The following NCAM1 variants were observed in gnomAD, a reference collection of about 807,000 sequenced individuals.
NCAM1 encodes neural cell adhesion molecule 1, also known as antigen recognized by monoclonal antibody 5.1H11.
Under a neutral mutation model 109.8 loss-of-function variants are expected in NCAM1, and 14 were observed. The ratio of observed to expected loss-of-function variants is 0.13; its 90% CI spans 0.08 to 0.20. The LOEUF (loss-of-function observed/expected upper bound fraction) is 0.20. Ranked by LOEUF, NCAM1 falls within the 10% of genes least tolerant of loss-of-function variation. The pLI is 1.00. For missense variants in NCAM1, 774 were observed against 1,109.9 expected (o/e 0.70, Z 4.30); for synonymous variants, 418 against 442.9 (o/e 0.94, Z 0.70).
intron 1 of NCAM1, among the ~76,000 whole-genome samples, chr11:113,150,822 G>T (rs1037519201): frequency 6.6e-6 from 1 of 152,124 alleles, no homozygotes; most frequent in East Asian, 1.9e-4. Flanking sequence ...AGTGGATTCA[G>T]GATAGAATAT....
In NCAM1 at chr11:113,066,218, G is replaced by GA. The variant is rs142482208; in HGVS notation, c.52+104564dup. Among the ~76,000 whole-genome samples the GA allele has an allele frequency of 7.7e-4, 114 of 148,632 alleles. 1 individual carries two copies. Among genetic ancestry groups the GA allele is most frequent in the Non-Finnish European group, 1.2e-3 (78 of 66,930 alleles). Reference sequence around the variant, plus strand: ...CTTTAGAATATGGACAGTTCAGTGAGAAAAAAAAAATCTGTAGGCAAGAAA... The same window carrying GA: ...CTTTAGAATATGGACAGTTCAGTGAGAAAAAAAAAAATCTGTAGGCAAGAAA... On this transcript the variant is annotated intron_variant, in intron 1 of 19. Transcript: ENST00000316851.
intron 1 of NCAM1, among the ~76,000 whole-genome samples, chr11:113,128,880 G>A (rs890359385): frequency 4.0e-5 from 6 of 151,016 alleles, no homozygotes; most frequent in African/African-American, 1.5e-4. Flanking sequence ...CAATTGGAGA[G>A]TAACTAAAAT....
At chr11:113,208,438 G>T (rs1037271203) in intron 7 of NCAM1, among the ~76,000 whole-genome samples, 1 of 151,814 alleles carries the variant, frequency 6.6e-6, no homozygotes. Flanking sequence ...AACCACACAG[G>T]CCTTCTTCAT....
chr11:113,259,030 G>A (rs1555122759), intron 16 of NCAM1, among the ~76,000 whole-genome samples: 1 of 151,890 alleles, frequency 6.6e-6, no homozygotes. Flanking sequence ...CTTAGTAAGG[G>A]CTCAACAAAA....
intron 1 of NCAM1, among the ~76,000 whole-genome samples, chr11:113,065,707 G>A (rs1310991183): frequency 6.6e-6 from 1 of 152,144 alleles, no homozygotes; most frequent in Non-Finnish European, 1.5e-5. Flanking sequence ...CTGAGAAATT[G>A]ACACAGAAAT....
intron 1 of NCAM1, among the ~76,000 whole-genome samples, chr11:112,965,395 G>A (rs1950705455): frequency 6.6e-6 from 1 of 151,946 alleles, no homozygotes; most frequent in Non-Finnish European, 1.5e-5. Context: ...CTTCTGTTTG[G>A]AATCCATTTA....
intron 1 of NCAM1, among the ~76,000 whole-genome samples, chr11:113,072,348 A>T (rs1375999630): frequency 2.6e-5 from 4 of 152,220 alleles, no homozygotes; most frequent in Non-Finnish European, 5.9e-5. Flanking sequence ...CATCAATGAA[A>T]TGGTAGTTTC....
intron 15 of NCAM1, among the ~76,000 whole-genome samples, chr11:113,253,571 G>A (rs1945754375): frequency 1.3e-5 from 2 of 152,184 alleles, no homozygotes; most frequent in Middle Eastern, 3.2e-3. Context: ...GGAGTTCAGA[G>A]ACAGTGTTTT....
In NCAM1 at chr11:113,277,772, C is replaced by CT. The variant is rs1946427495; in HGVS notation, c.*2386dup. ...CCCTGGCTCTGCCATTAGCTAGGACCTAAGACTCTGCCCACATTTTGGTCT... is the reference window on the plus strand; with the variant it reads ...CCCTGGCTCTGCCATTAGCTAGGACCTTAAGACTCTGCCCACATTTTGGTCT... On this transcript the variant is annotated 3_prime_UTR_variant, in exon 20 of 20. Coordinates refer to ENST00000316851, the MANE Select transcript of NCAM1 (RefSeq NM_181351.5). The CT allele has an allele frequency of 5.1e-6, 1 of 195,654 alleles. No individual in the cohort carries two copies. The highest frequency in any genetic ancestry group is 1.0e-5 in the Non-Finnish European group (1 of 99,262). 12.1% of individuals were successfully genotyped at this position (195,654 alleles called of 1,614,324 possible).
Position 113,270,234 on chromosome 11 carries a change from C to T in NCAM1, c.2178C>T (p.Gly726=). 2 of 1,614,050 alleles carry T rather than the reference C, an allele frequency of 1.2e-6. No individual in the cohort carries two copies. The highest frequency in any genetic ancestry group is 1.7e-6 in the Non-Finnish European group (2 of 1,179,904). ...TSGLSTGAIV[G]ILIVIFVLLL... ...GCCTGAGCACCGGGGCCATCGTGGGCATCCTCATCGTCATCTTCGTCCTGC... is the reference window on the plus strand; with the variant it reads ...GCCTGAGCACCGGGGCCATCGTGGGTATCCTCATCGTCATCTTCGTCCTGC... The change falls in exon 18 of 20, where the codon GGC becomes GGT. Residue 726 remains glycine, a synonymous_variant. Coordinates refer to ENST00000316851, the MANE Select transcript of NCAM1 (RefSeq NM_181351.5).
At chr11:112,976,774 AAATG>A (rs1482801184) in intron 1 of NCAM1, among the ~76,000 whole-genome samples, 3 of 151,870 alleles carry the variant, frequency 2.0e-5, no homozygotes, top group Non-Finnish European at 4.4e-5. Context: ...ATTTTGGCTA[AAATG>A]CAATTTGATG....
chr11:113,048,656 G>A (rs138733073), intron 1 of NCAM1, among the ~76,000 whole-genome samples: 453 of 152,274 alleles, frequency 3.0e-3, no homozygotes, highest in African/African-American at 0.01. Context: ...CATCTGTAAG[G>A]CATCCATGGT....
intron 1 of NCAM1, among the ~76,000 whole-genome samples, chr11:113,038,751 A>G (rs1375440981): frequency 6.6e-6 from 1 of 152,180 alleles, no homozygotes; most frequent in Non-Finnish European, 1.5e-5. Flanking sequence ...AGTTTTGAAA[A>G]CATCATAGAG....
rs184545268 is a variant in NCAM1 at position 113,143,192 on chromosome 11, C to T, written c.53-59187C>T. Among the ~76,000 whole-genome samples the T allele has an allele frequency of 1.2e-3, 184 of 152,188 alleles. 1 individual carries two copies. The highest frequency in any genetic ancestry group is 4.8e-3 in the Admixed American group (73 of 15,290). ...CCGAAATGTATTATGTATTTTTTTCCCCAAACTAGGATTCAATTAGGTTTC... is the reference window on the plus strand; with the variant it reads ...CCGAAATGTATTATGTATTTTTTTCTCCAAACTAGGATTCAATTAGGTTTC... On this transcript the variant is annotated intron_variant, in intron 1 of 19. Transcript: ENST00000316851.
chr11:112,967,373 A>G (rs913136035), intron 1 of NCAM1, among the ~76,000 whole-genome samples: 3 of 152,224 alleles, frequency 2.0e-5, no homozygotes, highest in African/African-American at 7.2e-5. Context: ...GGGAATTAAA[A>G]GGAGTGAGAT....
chr11:113,252,799 C>A (rs527574395), intron 15 of NCAM1, among the ~76,000 whole-genome samples: 1 of 39,706 alleles, frequency 2.5e-5, no homozygotes, highest in Non-Finnish European at 4.3e-5. Flanking sequence ...CTATGCCCAG[C>A]TTTTTTTTTT....
At chr11:113,124,189 G>C (rs1000631796) in intron 1 of NCAM1, among the ~76,000 whole-genome samples, 1 of 152,226 alleles carries the variant, frequency 6.6e-6, no homozygotes, top group Non-Finnish European at 1.5e-5. Context: ...AATTCCACCT[G>C]CTGTCTTCTT....
intron 1 of NCAM1, among the ~76,000 whole-genome samples, chr11:113,044,922 T>C (rs1953212696): frequency 6.6e-6 from 1 of 151,836 alleles, no homozygotes; most frequent in African/African-American, 2.4e-5. Flanking sequence ...CCTGGCTAAT[T>C]TTTTGTATAT....
rs574033931 is a variant in NCAM1 at position 113,278,321 on chromosome 11, C to A, written c.*2934C>A. On this transcript the variant is annotated 3_prime_UTR_variant, in exon 20 of 20. Coordinates refer to ENST00000316851, the MANE Select transcript of NCAM1 (RefSeq NM_181351.5). ...TAAAACTTTTTACCAAGTGAAACAT[C>A]GATACCACCTTTGTTTCCATTCTCA... The A allele has an allele frequency of 6.6e-6, 1 of 152,306 alleles. No individual in the cohort carries two copies. Among genetic ancestry groups the A allele is most frequent in the East Asian group, 1.9e-4 (1 of 5,188 alleles). The allele number at this position is 152,306 out of a possible 1,614,324, so 9.4% of individuals were successfully genotyped here. A position where few individuals can be genotyped will look rare whatever the true frequency, so the allele number is the denominator to read the frequency against.
Sources: gnomAD v4.1 joint callset for allele counts (sites outside exome capture counted in the v4.1 genomes callset) on GRCh38, gnomAD v4.1.1 for gene constraint, MANE v1.5 for transcripts, NCBI Gene and HGNC (gene_info 2026-07-23, HGNC 2026-07-21) for gene names.